Variants in HLCS observed in about 807,000 individuals in gnomAD.
The protein encoded by HLCS is biotin--protein ligase.
In HLCS, 53 loss-of-function variants were observed where a neutral mutation model predicts 75.0. The observed-to-expected ratio is 0.71, with a 90% CI of 0.57 to 0.89. The LOEUF is 0.89. Ranked by LOEUF, HLCS falls within the 40% of genes least tolerant of loss-of-function variation. The probability of loss-of-function intolerance (pLI) is 0.00; values close to 1 mark genes in which losing one functional copy is unlikely to be tolerated. For synonymous variants in HLCS, 431 were observed against 428.6 expected, an observed-to-expected ratio of 1.01 and a Z score of -0.07; for missense variants, 966 against 1,074.0, an observed-to-expected ratio of 0.90 and a Z score of 1.41.
chr21:36,773,845 A>G (rs1387971404), intron 6 of HLCS, among the ~76,000 whole-genome samples: 1 of 152,254 alleles, frequency 6.6e-6, no homozygotes, highest in Non-Finnish European at 1.5e-5. Context: ...CAAAGGAAGC[A>G]GTGCCGAACT....
At chr21:36,951,228 G>T (rs2835545) in intron 2 of HLCS, among the ~76,000 whole-genome samples, 1 of 151,992 alleles carries the variant, frequency 6.6e-6, no homozygotes, top group South Asian at 2.1e-4. Flanking sequence ...CACCATATCA[G>T]GGTAATTTCC....
At chr21:36,878,364 T>C (rs2064068605) in intron 6 of HLCS, among the ~76,000 whole-genome samples, 1 of 152,152 alleles carries the variant, frequency 6.6e-6, no homozygotes, top group Non-Finnish European at 1.5e-5. Context: ...TGAAGGGTCA[T>C]TGTGAACTAG....
At chr21:36,804,099 C>T (rs946662488) in intron 6 of HLCS, 1 of 152,526 alleles carries the variant, frequency 6.6e-6, no homozygotes, top group African/African-American at 2.4e-5. Context: ...AGCATTTCAA[C>T]CTTAAATGAA....
intron 6 of HLCS, among the ~76,000 whole-genome samples, chr21:36,862,527 G>A (rs1427365115): frequency 1.3e-5 from 2 of 152,186 alleles, no homozygotes; most frequent in Admixed American, 1.3e-4. Flanking sequence ...CTCCCTGATG[G>A]CTACTGATGT....
chr21:36,939,371 A>C (rs1196556744), intron 2 of HLCS, among the ~76,000 whole-genome samples: 1 of 152,118 alleles, frequency 6.6e-6, no homozygotes, highest in African/African-American at 2.4e-5. Flanking sequence ...TTTCAATGTA[A>C]CCTGTGGACC....
intron 6 of HLCS, among the ~76,000 whole-genome samples, chr21:36,865,248 T>TA (rs1322965976): frequency 1.3e-5 from 2 of 151,748 alleles, no homozygotes; most frequent in Non-Finnish European, 2.9e-5. Context: ...ACTCCCCACT[T>TA]ATGTGCCCCA....
chr21:36,885,250 T>C (rs2064397974), intron 6 of HLCS, among the ~76,000 whole-genome samples: 1 of 152,194 alleles, frequency 6.6e-6, no homozygotes, highest in East Asian at 1.9e-4. Flanking sequence ...CTCATGCCTA[T>C]AATCCCAGCA....
At chr21:36,859,984 ATATTTACT>A (rs2063328936) in intron 6 of HLCS, among the ~76,000 whole-genome samples, 2 of 152,224 alleles carry the variant, frequency 1.3e-5, no homozygotes, top group African/African-American at 4.8e-5. Flanking sequence ...TGCAGGTCGC[ATATTTACT>A]CAATCAATAT....
In HLCS at chr21:36,966,654, AGGGCGAG is replaced by A; in HGVS notation, c.-23_-17del. Reference sequence around the variant, plus strand: ...TGATGAGCATGGCCGCGCCGCCGGCAGGGCGAGCCCGCCTTGCCCGCCCGCCCCAGCG... The same window carrying A: ...TGATGAGCATGGCCGCGCCGCCGGCACCCGCCTTGCCCGCCCGCCCCAGCG... On this transcript the variant is annotated 5_prime_UTR_variant, in exon 1 of 11. Coordinates refer to ENST00000674895, the MANE Select transcript of HLCS (RefSeq NM_001352514.2). 1 of 976,348 alleles carries A rather than the reference AGGGCGAG, an allele frequency of 1.0e-6. No individual in the cohort carries two copies. Among genetic ancestry groups the A allele is most frequent in the Non-Finnish European group, 1.2e-6 (1 of 824,882 alleles). 60.5% of individuals were successfully genotyped at this position (976,348 alleles called of 1,614,324 possible). A position where few individuals can be genotyped will look rare whatever the true frequency, so the allele number is the denominator to read the frequency against.
chr21:36,770,967 C>G lies in HLCS; in HGVS notation c.1893-3682G>C, dbSNP rs112087725. 7.9e-3 allele frequency among the ~76,000 whole-genome samples: 1,197 copies of G among 152,268 alleles called. 4 individuals are homozygous for G. Among genetic ancestry groups the G allele is most frequent in the Middle Eastern group, 0.027 (8 of 294 alleles). ...GGGCGTGGTGGTTCCCGCCTGTAAT[C>G]CCAGCACTTTGCGAGGCCGAGGCAG... On this transcript the variant is annotated intron_variant, in intron 6 of 10. Transcript: ENST00000674895.
intron 2 of HLCS, among the ~76,000 whole-genome samples, chr21:36,955,362 G>A (rs932084663): frequency 2.0e-5 from 3 of 152,178 alleles, no homozygotes; most frequent in African/African-American, 7.2e-5. Context: ...GAGGGCTGAG[G>A]TGAGAGGACT....
intron 6 of HLCS, among the ~76,000 whole-genome samples, chr21:36,858,586 A>G (rs2063278148): frequency 6.6e-6 from 1 of 152,248 alleles, no homozygotes; most frequent in Non-Finnish European, 1.5e-5. Context: ...CTGACTTTGT[A>G]AGGTTTAAGT....
chr21:36,959,492 C>T (rs28873986), intron 2 of HLCS, among the ~76,000 whole-genome samples: 31,128 of 152,100 alleles, frequency 0.2, 3,423 homozygotes, highest in East Asian at 0.34. Context: ...TAGAAAGGGG[C>T]GGGTCCCTGG....
chr21:36,819,003 G>A (rs1280684389), intron 6 of HLCS, among the ~76,000 whole-genome samples: 1 of 152,088 alleles, frequency 6.6e-6, no homozygotes, highest in Non-Finnish European at 1.5e-5. Flanking sequence ...AAATTATAAA[G>A]CAACGTCGAT....
At chr21:36,945,192 C>T (rs552957530) in intron 2 of HLCS, among the ~76,000 whole-genome samples, 72 of 151,712 alleles carry the variant, frequency 4.7e-4, no homozygotes, top group Non-Finnish European at 7.8e-4. Flanking sequence ...ATCTACTGTA[C>T]GTCATGGTGA....
intron 6 of HLCS, among the ~76,000 whole-genome samples, chr21:36,779,946 C>G (rs2145831741): frequency 6.6e-6 from 1 of 152,316 alleles, no homozygotes; most frequent in Admixed American, 6.5e-5. Context: ...CACCTCCTTT[C>G]TGTAAACCAC....
chr21:36,894,482 C>T, intron 6 of HLCS, among the ~76,000 whole-genome samples: 1 of 152,130 alleles, frequency 6.6e-6, no homozygotes, highest in East Asian at 1.9e-4. Context: ...AGGCAACTGC[C>T]TCCCCGCGCC....
rs528372829 is a variant in HLCS at position 36,834,521 on chromosome 21, C to T, written c.1892+62339G>A. Reference sequence around the variant, plus strand: ...CACTGTCTGGCTGCTTTCAGTGGTCCCACAGATTGAGGCTGTGTATGAAGA... The same window carrying T: ...CACTGTCTGGCTGCTTTCAGTGGTCTCACAGATTGAGGCTGTGTATGAAGA... On this transcript the variant is annotated intron_variant, in intron 6 of 10. Coordinates refer to ENST00000674895, the MANE Select transcript of HLCS (RefSeq NM_001352514.2). Among the ~76,000 whole-genome samples the T allele has an allele frequency of 2.1e-4, 32 of 152,282 alleles. 1 individual carries two copies. The highest frequency in any genetic ancestry group is 9.1e-4 in the Admixed American group (14 of 15,302).
chr21:36,768,892 T>A (rs2090135452), intron 6 of HLCS, among the ~76,000 whole-genome samples: 1 of 152,180 alleles, frequency 6.6e-6, no homozygotes, highest in Admixed American at 6.5e-5. Flanking sequence ...TTCAGGCACC[T>A]CTGTTTTCTA....
Sources: allele counts gnomAD v4.1 joint callset (sites outside exome capture counted in the v4.1 genomes callset), GRCh38; gene constraint gnomAD v4.1.1; transcripts MANE v1.5; gene names NCBI Gene and HGNC (gene_info 2026-07-23, HGNC 2026-07-21).